Variants in DMD observed in about 807,000 individuals in gnomAD.
DMD encodes the protein mutant dystrophin.
DMD carries 63 observed loss-of-function variants against 330.1 expected under a neutral mutation model. The ratio of observed to expected loss-of-function variants is 0.19; its 90% CI spans 0.16 to 0.24. DMD has a LOEUF of 0.24. Ranked by LOEUF, DMD falls within the 10% of genes least tolerant of loss-of-function variation. DMD has a pLI of 1.00. For synonymous variants in DMD, 1,223 were observed against 959.8 expected (o/e 1.27, Z -5.07); for missense variants, 3,344 against 2,684.1 (o/e 1.25, Z -5.43).
chrX:31,127,170 G>T (rs967975313), intron 77 of DMD, among the ~76,000 whole-genome samples: 2 of 112,260 alleles, frequency 1.8e-5, no homozygotes, highest in Non-Finnish European at 3.8e-5. Flanking sequence ...GGGAGAATTT[G>T]TTCTATCTGA....
chrX:31,196,614 AGAGATTGAGACCATCCTG>A (rs2042908160), intron 67 of DMD, among the ~76,000 whole-genome samples: 1 of 109,187 alleles, frequency 9.2e-6, no homozygotes, highest in Non-Finnish European at 1.9e-5. Flanking sequence ...CACAAGGTCA[AGAGATTGAGACCATCCTG>A]GCCAACATGG....
chrX:31,907,110 G>T (rs752812423), intron 47 of DMD, among the ~76,000 whole-genome samples: 8 of 112,078 alleles, frequency 7.1e-5, no homozygotes, highest in African/African-American at 2.6e-4. Context: ...GAAGCCAACT[G>T]TCTTGATTTG....
intron 7 of DMD, among the ~76,000 whole-genome samples, chrX:32,727,627 T>A (rs747433851): frequency 1.8e-5 from 2 of 110,826 alleles, no homozygotes; most frequent in African/African-American, 6.6e-5. Flanking sequence ...GAAACATGAC[T>A]TTCCTAATTT....
intron 74 of DMD, among the ~76,000 whole-genome samples, chrX:31,163,672 T>A (rs2039111713): frequency 9.0e-6 from 1 of 111,143 alleles, no homozygotes; most frequent in Non-Finnish European, 1.9e-5. Flanking sequence ...TACCACTTTG[T>A]CTTCAGAGGC....
intron 1 of DMD, among the ~76,000 whole-genome samples, chrX:33,145,757 T>G (rs1458808117): frequency 1.8e-5 from 2 of 110,584 alleles, no homozygotes; most frequent in Non-Finnish European, 3.8e-5. Context: ...ATCCTTCTCA[T>G]TTTATTTTTT....
rs777362327 is a variant in DMD at position 31,836,701 on chromosome X, A to T, written c.7200+17T>A. The stretch of plus-strand genomic sequence containing the variant: ...CCATTATGAGGTAATGGATATTGCT[A>T]GAGGTTGCTTCATTACCTTCACTGG... On this transcript the variant is annotated intron_variant, in intron 49 of 78. Transcript: ENST00000357033. 8.6e-7 allele frequency: 1 copy of T among 1,168,414 alleles called. No individual in the cohort carries two copies. The highest frequency in any genetic ancestry group is 1.2e-6 in the Non-Finnish European group (1 of 855,899).
At chrX:31,542,301 A>G (rs2147644222) in intron 55 of DMD, among the ~76,000 whole-genome samples, 1 of 112,058 alleles carries the variant, frequency 8.9e-6, no homozygotes, top group Non-Finnish European at 1.9e-5. Context: ...AAGAAAGACG[A>G]AGGGTATTCC....
intron 52 of DMD, among the ~76,000 whole-genome samples, chrX:31,716,749 T>TACATAA (rs1556841550): frequency 9.4e-5 from 10 of 106,507 alleles, no homozygotes; most frequent in Admixed American, 8.3e-4. Context: ...ATTGATAGTT[T>TACATAA]ATATATCAGT....
At chrX:31,441,677 G>T (rs1254989383) in intron 60 of DMD, among the ~76,000 whole-genome samples, 9 of 111,879 alleles carry the variant, frequency 8.0e-5, no homozygotes, top group East Asian at 2.8e-4. Flanking sequence ...ATGGTGGTGG[G>T]CTCAAGCTTC....
At chrX:32,636,733 C>A (rs1176833980) in intron 11 of DMD, among the ~76,000 whole-genome samples, 4 of 111,606 alleles carry the variant, frequency 3.6e-5, no homozygotes, top group African/African-American at 1.3e-4. Flanking sequence ...GTGGCTCATG[C>A]CTGTAATCCC....
intron 13 of DMD, among the ~76,000 whole-genome samples, chrX:32,594,640 G>A (rs1465668819): frequency 9.0e-6 from 1 of 111,137 alleles, no homozygotes; most frequent in African/African-American, 3.3e-5. Context: ...TATACCCAGG[G>A]TATTTGTGTT....
chrX:32,014,221 G>A (rs192517565), intron 44 of DMD, among the ~76,000 whole-genome samples: 73 of 111,908 alleles, frequency 6.5e-4, no homozygotes, highest in African/African-American at 2.2e-3. Context: ...GGGTCATAAC[G>A]TGCACTTTTA....
chrX:31,324,788 T>C (rs781000010), intron 61 of DMD, among the ~76,000 whole-genome samples: 1 of 112,093 alleles, frequency 8.9e-6, no homozygotes, highest in African/African-American at 3.2e-5. Flanking sequence ...CCGCAGTGTA[T>C]TGAGATGTAA....
At chrX:32,757,984 T>C (rs777905726) in intron 7 of DMD, among the ~76,000 whole-genome samples, 1 of 111,761 alleles carries the variant, frequency 8.9e-6, no homozygotes. Context: ...GGAAAATAAA[T>C]TGTCCTTCAA....
chrX:31,687,003 C>A (rs2082729468), intron 52 of DMD, among the ~76,000 whole-genome samples: 3 of 111,234 alleles, frequency 2.7e-5, no homozygotes. Context: ...GGGGCATGGG[C>A]AGAGTCATGA....
intron 12 of DMD, among the ~76,000 whole-genome samples, chrX:32,610,893 G>T (rs2057116492): frequency 9.0e-6 from 1 of 110,952 alleles, no homozygotes; most frequent in Non-Finnish European, 1.9e-5. Flanking sequence ...AAAAAAAGCT[G>T]CAAAGCGATT....
At chrX:31,912,590 T>C (rs931468366) in intron 47 of DMD, among the ~76,000 whole-genome samples, 9 of 112,088 alleles carry the variant, frequency 8.0e-5, no homozygotes, top group African/African-American at 2.9e-4. Flanking sequence ...CTTTGATTAA[T>C]AAAGATGTGC....
chrX:32,943,088 T>A (rs2090541188), intron 2 of DMD, among the ~76,000 whole-genome samples: 1 of 111,532 alleles, frequency 9.0e-6, no homozygotes, highest in African/African-American at 3.3e-5. Context: ...GAATTAGAGA[T>A]ATAAACATGT....
At chrX:33,005,275 AACAC>A (rs376666672) in intron 2 of DMD, among the ~76,000 whole-genome samples, 21 of 102,646 alleles carry the variant, frequency 2.0e-4, no homozygotes, top group South Asian at 1.7e-3. Flanking sequence ...CACACACACA[AACAC>A]ACACACACAC....
Sources: allele counts gnomAD v4.1 joint callset (sites outside exome capture counted in the v4.1 genomes callset), GRCh38; gene constraint gnomAD v4.1.1; transcripts MANE v1.5; gene names NCBI Gene and HGNC (gene_info 2026-07-23, HGNC 2026-07-21).